FRAS1: variants seen among roughly 807,000 people sequenced by gnomAD.
The protein encoded by FRAS1 is extracellular matrix organizing protein FRAS1.
Under a neutral mutation model 435.2 loss-of-function variants are expected in FRAS1, and 290 were observed. That is an observed-to-expected ratio of 0.67 (90% CI 0.61 to 0.73). FRAS1 has a LOEUF of 0.73. Among genes scored for constraint, FRAS1 ranks in the 30% least tolerant of loss-of-function variants. The pLI is 0.00. For synonymous variants in FRAS1, 1,800 were observed against 1,851.0 expected (o/e 0.97, Z 0.71); for missense variants, 4,860 against 5,001.5 (o/e 0.97, Z 0.85).
chr4:78,359,311 G>A lies in FRAS1; in HGVS notation c.2423-4202G>A, dbSNP rs191775803. The stretch of plus-strand genomic sequence containing the variant: ...TTTTCTGTTATAAGTCAGAACATTG[G>A]TATTAATCCTCAAGCCCTTGTTGCT... On this transcript the variant is annotated intron_variant, in intron 20 of 73. Transcript: ENST00000512123. Among the ~76,000 whole-genome samples the A allele has an allele frequency of 1.7e-3, 253 of 152,200 alleles. 1 individual carries two copies. The highest frequency in any genetic ancestry group is 5.5e-3 in the African/African-American group (227 of 41,514).
intron 73 of FRAS1, among the ~76,000 whole-genome samples, chr4:78,539,897 CT>C (rs1335418040): frequency 2.0e-5 from 3 of 152,234 alleles, no homozygotes; most frequent in Non-Finnish European, 2.9e-5. Flanking sequence ...TGAAATTTCA[CT>C]TTTTTTGTCT....
At chr4:78,414,282 G>A (rs1263860076) in intron 32 of FRAS1, among the ~76,000 whole-genome samples, 1 of 152,196 alleles carries the variant, frequency 6.6e-6, no homozygotes, top group Non-Finnish European at 1.5e-5. Flanking sequence ...CTTGCCAAAT[G>A]CTAATGCAGT....
chr4:78,339,452 C>T (rs1437057572), intron 20 of FRAS1, among the ~76,000 whole-genome samples: 1 of 152,178 alleles, frequency 6.6e-6, no homozygotes, highest in Non-Finnish European at 1.5e-5. Context: ...GGGACAGTAA[C>T]ACCAACCAGT....
At chr4:78,303,171 T>C (rs1728510047) in intron 14 of FRAS1, among the ~76,000 whole-genome samples, 1 of 152,320 alleles carries the variant, frequency 6.6e-6, no homozygotes, top group East Asian at 1.9e-4. Flanking sequence ...TAGTTGTAGA[T>C]ATGCGGCATT....
At chr4:78,523,490 G>GA (rs1001927020) in intron 69 of FRAS1, among the ~76,000 whole-genome samples, 9 of 150,562 alleles carry the variant, frequency 6.0e-5, no homozygotes, top group Non-Finnish European at 1.3e-4. Context: ...GGGAAGAATG[G>GA]AAAAAAAAAT....
chr4:78,517,524 T>C (rs894281935), intron 66 of FRAS1, among the ~76,000 whole-genome samples: 4 of 152,264 alleles, frequency 2.6e-5, no homozygotes, highest in African/African-American at 9.6e-5. Flanking sequence ...TGTTGTTGTC[T>C]GTTTCTTTGA....
intron 2 of FRAS1, among the ~76,000 whole-genome samples, chr4:78,095,876 G>A (rs576287295): frequency 6.6e-5 from 10 of 152,018 alleles, no homozygotes; most frequent in East Asian, 3.9e-4. Context: ...ATTCCACCCC[G>A]GCCCCTCCCA....
At chr4:78,340,397 C>T (rs56350158) in intron 20 of FRAS1, among the ~76,000 whole-genome samples, 3,297 of 152,276 alleles carry the variant, frequency 0.022, 126 homozygotes, top group African/African-American at 0.075. Flanking sequence ...ATTGAACTTT[C>T]AGAGAACTGT....
chr4:78,537,051 T>C lies in FRAS1; in HGVS notation c.11149T>C (p.Tyr3717His). The C allele has an allele frequency of 6.2e-7, 1 of 1,614,038 alleles. No homozygotes were observed. The highest frequency in any genetic ancestry group is 8.5e-7 in the Non-Finnish European group (1 of 1,179,898). Residue 3717 changes from tyrosine (Y) to histidine (H), a missense_variant, in exon 72 of 74, where the codon TAC becomes CAC. By Grantham distance (83) the Tyr-to-His change is moderately conservative (BLOSUM62 2). Coordinates refer to ENST00000512123, the MANE Select transcript of FRAS1 (RefSeq NM_025074.7). The part of the protein sequence containing the change: ...WNPEQNLNSA[Y>H]KLQLEKVYLC... ...TCCAGAACAAAATCTTAATTCTGCT[T>C]ACAAACTCCAGCTGGAGAAAGTCTA... is the stretch of plus-strand genomic sequence containing the variant.
chr4:78,121,255 T>G (rs1578138071), intron 2 of FRAS1, among the ~76,000 whole-genome samples: 2 of 152,354 alleles, frequency 1.3e-5, no homozygotes, highest in East Asian at 3.9e-4. Flanking sequence ...TCCTGCTCAA[T>G]AGCATAGGCT....
At chr4:78,420,255 A>C (rs956317157) in intron 33 of FRAS1, among the ~76,000 whole-genome samples, 2 of 152,228 alleles carry the variant, frequency 1.3e-5, no homozygotes, top group African/African-American at 2.4e-5. Context: ...AAGTCCAAAG[A>C]AATTAAAAGT....
intron 64 of FRAS1, among the ~76,000 whole-genome samples, chr4:78,511,835 A>G (rs987409033): frequency 1.3e-5 from 2 of 152,148 alleles, no homozygotes; most frequent in African/African-American, 4.8e-5. Context: ...ACTGGCCGGA[A>G]CCCTACTGTC....
At chr4:78,383,445 G>A (rs1022147556) in intron 27 of FRAS1, among the ~76,000 whole-genome samples, 2 of 152,136 alleles carry the variant, frequency 1.3e-5, no homozygotes, top group African/African-American at 2.4e-5. Flanking sequence ...GACTCTGGTT[G>A]TCCTGTAGTC....
At chr4:78,132,615 G>T (rs1038622797) in intron 2 of FRAS1, among the ~76,000 whole-genome samples, 2 of 152,212 alleles carry the variant, frequency 1.3e-5, no homozygotes, top group Non-Finnish European at 2.9e-5. Flanking sequence ...CACTCTGGTT[G>T]TTCAGGAGAC....
intron 14 of FRAS1, among the ~76,000 whole-genome samples, chr4:78,307,398 G>A (rs1294823467): frequency 6.6e-6 from 1 of 152,236 alleles, no homozygotes; most frequent in Non-Finnish European, 1.5e-5. Context: ...CCACCCAGTT[G>A]GAGCTTCCTG....
chr4:78,178,742 A>G (rs753107340), intron 2 of FRAS1, among the ~76,000 whole-genome samples: 1 of 152,072 alleles, frequency 6.6e-6, no homozygotes, highest in Non-Finnish European at 1.5e-5. Context: ...GGATTAAACT[A>G]ATTACCTCTA....
In FRAS1 at chr4:78,374,264, C is replaced by G; in HGVS notation, c.3151+13C>G. 3 of 1,562,574 alleles carry G rather than the reference C, an allele frequency of 1.9e-6. No individual in the cohort carries two copies. The highest frequency in any genetic ancestry group is 1.3e-5 in the African/African-American group (1 of 74,114). Reference sequence around the variant, plus strand: ...CACAAATGCACAGGTAACTTGGAGACTGCTGATTATTCTGGAAAGAAGTGA... The same window carrying G: ...CACAAATGCACAGGTAACTTGGAGAGTGCTGATTATTCTGGAAAGAAGTGA... On this transcript the variant is annotated intron_variant, in intron 25 of 73. Coordinates refer to ENST00000512123, the MANE Select transcript of FRAS1 (RefSeq NM_025074.7).
chr4:78,058,101 CGCGTGTGTGTGTGTGTGT>C lies in FRAS1; in HGVS notation c.76+24_76+41del, dbSNP rs775418796. The C allele has an allele frequency of 1.2e-5, 19 of 1,553,896 alleles. No homozygotes were observed. Among genetic ancestry groups the C allele is most frequent in the Non-Finnish European group, 1.7e-5 (19 of 1,141,358 alleles). On this transcript the variant is annotated intron_variant, in intron 1 of 73. Transcript: ENST00000512123. ...CATTCCGAAGGTGAGAGAGCGGTGCCGCGTGTGTGTGTGTGTGTGCGTGTGCGTGTGTGTGTGTATGTG... is the reference window on the plus strand; with the variant it reads ...CATTCCGAAGGTGAGAGAGCGGTGCCGCGTGTGCGTGTGTGTGTGTATGTG...
chr4:78,366,698 C>A (rs1240244749), intron 22 of FRAS1, among the ~76,000 whole-genome samples: 1 of 152,158 alleles, frequency 6.6e-6, no homozygotes, highest in Non-Finnish European at 1.5e-5. Flanking sequence ...GGTTTCTGGT[C>A]GACTCTGCCA....
Sources: gnomAD v4.1 joint callset for allele counts (sites outside exome capture counted in the v4.1 genomes callset) on GRCh38, gnomAD v4.1.1 for gene constraint, MANE v1.5 for transcripts, NCBI Gene and HGNC (gene_info 2026-07-23, HGNC 2026-07-21) for gene names.